Variants in RABEP1 observed in about 807,000 individuals in gnomAD.
The protein encoded by RABEP1 is rab GTPase-binding effector protein 1.
In RABEP1, 51 loss-of-function variants were observed where a neutral mutation model predicts 123.4. The ratio of observed to expected loss-of-function variants is 0.41; its 90% CI spans 0.33 to 0.52. The LOEUF (loss-of-function observed/expected upper bound fraction) is 0.52. Among genes scored for constraint, RABEP1 ranks in the 20% least tolerant of loss-of-function variants. The probability of loss-of-function intolerance (pLI) is 0.16; values close to 1 mark genes in which losing one functional copy is unlikely to be tolerated. For missense variants in RABEP1, 888 were observed against 996.3 expected, an observed-to-expected ratio of 0.89 and a Z score of 1.46; for synonymous variants, 347 against 355.2, an observed-to-expected ratio of 0.98 and a Z score of 0.26.
intron 1 of RABEP1, among the ~76,000 whole-genome samples, chr17:5,288,531 G>A (rs1163840481): frequency 6.6e-6 from 1 of 152,032 alleles, no homozygotes; most frequent in East Asian, 1.9e-4. Flanking sequence ...AAGTAGCTGG[G>A]ATTACAGGCA....
chr17:5,336,092 T>G (rs1173155904), intron 4 of RABEP1, among the ~76,000 whole-genome samples: 1 of 152,230 alleles, frequency 6.6e-6, no homozygotes, highest in East Asian at 1.9e-4. Context: ...TAAAAGCTTT[T>G]TAGCTAGTTT....
rs1390623009 is a variant in RABEP1, at chr17:5,380,276, G to A, written c.2272-88G>A. The A allele has an allele frequency of 3.6e-6, 3 of 837,700 alleles. No homozygotes were observed. The Admixed American group carries it at 8.4e-5, about 24-fold the overall frequency. 51.9% of individuals were successfully genotyped at this position (837,700 alleles called of 1,614,324 possible). A position where few individuals can be genotyped will look rare whatever the true frequency, so the allele number is the denominator to read the frequency against. On this transcript the variant is annotated intron_variant, in intron 15 of 17. Transcript: ENST00000537505. ...CCCAGTGTAGCCCGAGTGTCTTGGT[G>A]TAATTCTCCAGGCTCTAGGCTCTTT...
Position 5,323,696 on chromosome 17 carries a change from C to CTAGGAATATATATATA in RABEP1, c.164-8252_164-8251insAGGAATATATATATAT, listed in dbSNP as rs1482256149. Among the ~76,000 whole-genome samples the CTAGGAATATATATATA allele has an allele frequency of 1.2e-3, 118 of 101,684 alleles. 24 individuals carry two copies. The highest frequency in any genetic ancestry group is 5.4e-3 in the African/African-American group (109 of 20,096). 66.7% of individuals were successfully genotyped at this position (101,684 alleles called of 152,430 possible). ...ATTGGTGATATATATATATATCTCT[C>CTAGGAATATATATATA]TCTAGGAATATATATATATATCTAG... On this transcript the variant is annotated intron_variant, in intron 2 of 17. Transcript: ENST00000537505.
At chr17:5,352,170 A>C (rs767456124) in intron 7 of RABEP1, among the ~76,000 whole-genome samples, 1 of 151,664 alleles carries the variant, frequency 6.6e-6, no homozygotes, top group Non-Finnish European at 1.5e-5. Context: ...TCTTGTGTGT[A>C]GTCAAAGCCA....
At chr17:5,336,148 C>T (rs1397130463) in intron 4 of RABEP1, among the ~76,000 whole-genome samples, 2 of 152,082 alleles carry the variant, frequency 1.3e-5, no homozygotes, top group Non-Finnish European at 2.9e-5. Context: ...TTTAAAATCA[C>T]ATTGTATAAA....
rs147918149 is a variant in RABEP1, at chr17:5,375,452, G to A, written c.2026-1664G>A. 7.8e-3 allele frequency among the ~76,000 whole-genome samples: 1,188 copies of A among 152,220 alleles called. 15 individuals are homozygous for A. Among genetic ancestry groups the A allele is most frequent in the South Asian group, 0.041 (199 of 4,822 alleles). On this transcript the variant is annotated intron_variant, in intron 13 of 17. Transcript: ENST00000537505. The stretch of plus-strand genomic sequence containing the variant: ...GAGGCCTGCAATCCTAGCACTTTGG[G>A]AGGCCAAGGCAGGCAGATTGCTTGA...
chr17:5,362,151 T>C (rs879668071), intron 9 of RABEP1: 15 of 162,180 alleles, frequency 9.2e-5, no homozygotes, highest in Non-Finnish European at 2.1e-4. Flanking sequence ...TTTAATGAAG[T>C]TGATTTTCCT....
At chr17:5,306,416 T>C (rs2075180005) in intron 1 of RABEP1, among the ~76,000 whole-genome samples, 1 of 152,102 alleles carries the variant, frequency 6.6e-6, no homozygotes, top group South Asian at 2.1e-4. Context: ...TCACCTGAGG[T>C]CAGGAGGTCA....
intron 2 of RABEP1, among the ~76,000 whole-genome samples, chr17:5,309,845 GTCA>G (rs945857139): frequency 4.6e-5 from 7 of 152,090 alleles, no homozygotes; most frequent in Admixed American, 2.0e-4. Context: ...CATCATTATC[GTCA>G]TCATCACCTG....
intron 1 of RABEP1, among the ~76,000 whole-genome samples, chr17:5,300,359 T>C (rs994752728): frequency 2.0e-5 from 3 of 152,202 alleles, no homozygotes; most frequent in Non-Finnish European, 4.4e-5. Context: ...GTTTTTCTCA[T>C]GATTAGACTG....
At chr17:5,324,451 CT>C (rs2063999810) in intron 2 of RABEP1, among the ~76,000 whole-genome samples, 1 of 152,204 alleles carries the variant, frequency 6.6e-6, no homozygotes, top group East Asian at 1.9e-4. Flanking sequence ...AGATTAAAGA[CT>C]TAAATCTAAG....
At chr17:5,376,884 G>A (rs897625751) in intron 13 of RABEP1, among the ~76,000 whole-genome samples, 2 of 152,076 alleles carry the variant, frequency 1.3e-5, no homozygotes, top group African/African-American at 4.8e-5. Context: ...CAGTTTTGAG[G>A]GAAGAGTATG....
At chr17:5,334,735 C>A (rs756777428) in intron 3 of RABEP1, among the ~76,000 whole-genome samples, 2 of 152,184 alleles carry the variant, frequency 1.3e-5, no homozygotes, top group Non-Finnish European at 2.9e-5. Context: ...CCTCAACTTA[C>A]AATCTTGGGT....
intron 1 of RABEP1, among the ~76,000 whole-genome samples, chr17:5,301,793 C>T (rs1052506727): frequency 6.6e-6 from 1 of 151,808 alleles, no homozygotes; most frequent in Non-Finnish European, 1.5e-5. Flanking sequence ...AAATCAACCA[C>T]CTGCGCCATG....
At chr17:5,329,386 C>T (rs955302732) in intron 2 of RABEP1, among the ~76,000 whole-genome samples, 6 of 152,190 alleles carry the variant, frequency 3.9e-5, no homozygotes, top group Non-Finnish European at 5.9e-5. Flanking sequence ...CAAAAATTAG[C>T]TGGGCGTGGT....
At chr17:5,368,505 C>G in intron 12 of RABEP1, 37 bp downstream of exon 12, 3 of 1,417,002 alleles carry the variant, frequency 2.1e-6, no homozygotes, top group Admixed American at 1.7e-5. Flanking sequence ...AACTATGTTA[C>G]TATATATTCC....
chr17:5,312,934 C>T (rs2075259080), intron 2 of RABEP1, among the ~76,000 whole-genome samples: 1 of 152,054 alleles, frequency 6.6e-6, no homozygotes, highest in Non-Finnish European at 1.5e-5. Context: ...TGGTGAAACC[C>T]TGTCTGTATT....
At chr17:5,359,890 A>G (rs1052297647) in intron 8 of RABEP1, among the ~76,000 whole-genome samples, 12 of 152,242 alleles carry the variant, frequency 7.9e-5, no homozygotes, top group African/African-American at 2.7e-4. Flanking sequence ...CCCACTAACT[A>G]TGCAACTGCT....
rs546335142 is a variant in RABEP1, at chr17:5,359,279, C to T, written c.1096-1929C>T. ...TTAATAGAGACGGGGTTTCACCATGCTAGCCAGAATGGTCTTGATCTCCTG... is the reference window on the plus strand; with the variant it reads ...TTAATAGAGACGGGGTTTCACCATGTTAGCCAGAATGGTCTTGATCTCCTG... On this transcript the variant is annotated intron_variant, in intron 8 of 17. Coordinates refer to ENST00000537505, the MANE Select transcript of RABEP1 (RefSeq NM_004703.6). Among the ~76,000 whole-genome samples the T allele has an allele frequency of 2.0e-3, 311 of 152,144 alleles. 2 individuals are homozygous for T. The highest frequency in any genetic ancestry group is 3.3e-3 in the Admixed American group (51 of 15,280).
Sources: allele counts gnomAD v4.1 joint callset (sites outside exome capture counted in the v4.1 genomes callset), GRCh38; gene constraint gnomAD v4.1.1; transcripts MANE v1.5; gene names NCBI Gene and HGNC (gene_info 2026-07-23, HGNC 2026-07-21).